Variants in NR3C2 observed in about 807,000 individuals in gnomAD.
NR3C2 encodes the protein mineralocorticoid receptor.
A neutral mutation model predicts 86.4 loss-of-function variants in NR3C2; 15 were observed. The ratio of observed to expected loss-of-function variants is 0.17; its 90% CI spans 0.12 to 0.27. The LOEUF (loss-of-function observed/expected upper bound fraction) is 0.27. NR3C2 is among the 10% of genes least tolerant of loss of function. The pLI is 1.00. For missense variants in NR3C2, 960 were observed against 1,195.6 expected, an observed-to-expected ratio of 0.80 and a Z score of 2.91; for synonymous variants, 458 against 450.5, an observed-to-expected ratio of 1.02 and a Z score of -0.21.
At chr4:148,318,720 GTTGT>G (rs372946699) in intron 2 of NR3C2, among the ~76,000 whole-genome samples, 23,361 of 151,656 alleles carry the variant, frequency 0.15, 2,236 homozygotes, top group East Asian at 0.38. Context: ...TTTTGATGGG[GTTGT>G]TTGTTTTTTT....
rs1285330521 is a variant in NR3C2 at position 148,154,639 on chromosome 4, T to C, written c.2277A>G (p.Pro759=). 6 of 1,614,208 alleles carry C rather than the reference T, an allele frequency of 3.7e-6. No individual in the cohort carries two copies. Among genetic ancestry groups the C allele is most frequent in the Non-Finnish European group, 4.2e-6 (5 of 1,180,048 alleles). The change falls in exon 5 of 9, where the codon CCA becomes CCG. Residue 759 remains proline (P), a synonymous_variant. Coordinates refer to ENST00000358102, the MANE Select transcript of NR3C2 (RefSeq NM_000901.5). The part of the protein sequence containing the change: ...IVYAGYDSSK[P]DTAENLLSTL... Reference sequence around the variant, plus strand: ...TGGAGAGCAGATTTTCGGCTGTATCTGGTTTTGAGCTGTCATAGCCTGCAT... The same window carrying C: ...TGGAGAGCAGATTTTCGGCTGTATCCGGTTTTGAGCTGTCATAGCCTGCAT...
intron 8 of NR3C2, among the ~76,000 whole-genome samples, chr4:148,090,606 C>T (rs142437923): frequency 2.0e-5 from 3 of 152,316 alleles, no homozygotes; most frequent in East Asian, 3.9e-4. Context: ...GAGCCTCTGT[C>T]CCTATCACCC....
At chr4:148,183,870 A>G (rs1224320344) in intron 4 of NR3C2, among the ~76,000 whole-genome samples, 2 of 152,176 alleles carry the variant, frequency 1.3e-5, no homozygotes, top group African/African-American at 4.8e-5. Flanking sequence ...AGAAAATAAT[A>G]CCTAATAATT....
chr4:148,339,407 T>C (rs963772575), intron 2 of NR3C2, among the ~76,000 whole-genome samples: 4 of 152,188 alleles, frequency 2.6e-5, no homozygotes, highest in Non-Finnish European at 4.4e-5. Context: ...ATTCCTTTAG[T>C]AGCTAAACAT....
chr4:148,384,472 TTTG>T (rs945145441), intron 2 of NR3C2, among the ~76,000 whole-genome samples: 4 of 142,514 alleles, frequency 2.8e-5, no homozygotes, highest in African/African-American at 1.0e-4. Context: ...CAAATAAGAA[TTTG>T]TTTTTTTTCA....
At chr4:148,278,518 A>C (rs1741072953) in intron 2 of NR3C2, among the ~76,000 whole-genome samples, 1 of 152,166 alleles carries the variant, frequency 6.6e-6, no homozygotes, top group South Asian at 2.1e-4. Flanking sequence ...ATGGTAACTC[A>C]AGAAGACTAA....
At chr4:148,255,781 G>C (rs375919616) in intron 3 of NR3C2, among the ~76,000 whole-genome samples, 1 of 152,168 alleles carries the variant, frequency 6.6e-6, no homozygotes, top group Non-Finnish European at 1.5e-5. Flanking sequence ...AGATGAGATG[G>C]AACTAATGGC....
chr4:148,395,023 C>G (rs1428339205), intron 2 of NR3C2, among the ~76,000 whole-genome samples: 1 of 151,970 alleles, frequency 6.6e-6, no homozygotes, highest in Non-Finnish European at 1.5e-5. Flanking sequence ...AAATAAACCT[C>G]TCTCTCATTC....
intron 2 of NR3C2, among the ~76,000 whole-genome samples, chr4:148,311,235 C>G (rs1742885339): frequency 6.6e-6 from 1 of 152,090 alleles, no homozygotes; most frequent in East Asian, 1.9e-4. Context: ...TTATGACTCT[C>G]AAATTAATAA....
chr4:148,360,221 T>C (rs1319840212), intron 2 of NR3C2, among the ~76,000 whole-genome samples: 2 of 152,220 alleles, frequency 1.3e-5, no homozygotes, highest in African/African-American at 2.4e-5. Flanking sequence ...CATCAAGCAC[T>C]GTAGAGAACT....
chr4:148,387,669 A>G (rs985821139), intron 2 of NR3C2, among the ~76,000 whole-genome samples: 1 of 152,204 alleles, frequency 6.6e-6, no homozygotes, highest in Non-Finnish European at 1.5e-5. Flanking sequence ...CCTGTAAAAT[A>G]CACTCATCTC....
intron 2 of NR3C2, among the ~76,000 whole-genome samples, chr4:148,260,649 A>AT (rs1474839000): frequency 2.0e-5 from 3 of 152,124 alleles, no homozygotes; most frequent in Non-Finnish European, 2.9e-5. Context: ...AAGCTCCCGC[A>AT]TTTTTTCATG....
At chr4:148,278,396 A>G (rs10026226) in intron 2 of NR3C2, among the ~76,000 whole-genome samples, 79,243 of 151,938 alleles carry the variant, frequency 0.52, 22,493 homozygotes, top group African/African-American at 0.76. Flanking sequence ...CACTACGCCC[A>G]GCCCAGAATC....
At chr4:148,152,701 C>A in intron 5 of NR3C2, 88 bp from the exon 6 acceptor site, 2 of 1,305,228 alleles carry the variant, frequency 1.5e-6, no homozygotes, top group Non-Finnish European at 2.2e-6. Flanking sequence ...CCCAAACAGC[C>A]ACCTTTCTTT....
chr4:148,383,934 C>G (rs61763856), intron 2 of NR3C2, among the ~76,000 whole-genome samples: 2 of 135,036 alleles, frequency 1.5e-5, no homozygotes, highest in African/African-American at 5.8e-5. Flanking sequence ...CAGGGCACAG[C>G]GAGACTCTGT....
intron 2 of NR3C2, among the ~76,000 whole-genome samples, chr4:148,265,342 T>C (rs185263932): frequency 4.6e-5 from 7 of 152,296 alleles, no homozygotes; most frequent in African/African-American, 1.7e-4. Context: ...TGCTATGTTT[T>C]TGCCCAAAAG....
chr4:148,333,425 T>C (rs1261770220), intron 2 of NR3C2, among the ~76,000 whole-genome samples: 1 of 152,156 alleles, frequency 6.6e-6, no homozygotes, highest in Non-Finnish European at 1.5e-5. Flanking sequence ...GCTGACTACC[T>C]AAAAGACTAC....
chr4:148,229,498 C>A (rs1022619392), intron 3 of NR3C2, among the ~76,000 whole-genome samples: 7 of 152,008 alleles, frequency 4.6e-5, no homozygotes, highest in Non-Finnish European at 1.0e-4. Context: ...GTGTGTATGC[C>A]AATTTTGGAA....
In NR3C2 at chr4:148,119,664, T is replaced by C. The variant is rs574205811; in HGVS notation, c.2641+494A>G. ...AGCTGGGTATGGTGGTGCATGCCTG[T>C]AATCCCAGCTACTCGGGAGGCCGAG... On this transcript the variant is annotated intron_variant, in intron 7 of 8. Coordinates refer to ENST00000358102, the MANE Select transcript of NR3C2 (RefSeq NM_000901.5). Among the ~76,000 whole-genome samples the C allele has an allele frequency of 1.2e-3, 179 of 151,814 alleles. 1 individual carries two copies. Among genetic ancestry groups the C allele is most frequent in the Middle Eastern group, 3.4e-3 (1 of 292 alleles).
Sources: gnomAD v4.1 joint callset for allele counts (sites outside exome capture counted in the v4.1 genomes callset) on GRCh38, gnomAD v4.1.1 for gene constraint, MANE v1.5 for transcripts, NCBI Gene and HGNC (gene_info 2026-07-23, HGNC 2026-07-21) for gene names.